SLC27A2: variants seen among roughly 807,000 people sequenced by gnomAD.
SLC27A2 encodes long-chain fatty acid transport protein 2.
A neutral mutation model predicts 60.0 loss-of-function variants in SLC27A2; 54 were observed. The ratio of observed to expected loss-of-function variants is 0.90; its 90% CI spans 0.72 to 1.13. The LOEUF (loss-of-function observed/expected upper bound fraction) is 1.13, where lower values mean the gene tolerates loss of function less well. SLC27A2 is among the 50% of genes most tolerant of loss of function. SLC27A2 has a pLI of 0.00. For synonymous variants in SLC27A2, 297 were observed against 297.6 expected (o/e 1.00, Z 0.02); for missense variants, 739 against 777.6 (o/e 0.95, Z 0.59).
chr15:50,234,551 C>T (rs1428898660), intron 9 of SLC27A2, among the ~76,000 whole-genome samples: 1 of 145,820 alleles, frequency 6.9e-6, no homozygotes, highest in African/African-American at 2.6e-5. Flanking sequence ...CACGCCACTG[C>T]ACTCCAGCCT....
In SLC27A2 at chr15:50,232,799, C is replaced by T. The variant is rs182285660; in HGVS notation, c.1556-1069C>T. On this transcript the variant is annotated intron_variant, in intron 8 of 9. Coordinates refer to ENST00000267842, the MANE Select transcript of SLC27A2 (RefSeq NM_003645.4). Reference sequence around the variant, plus strand: ...GGTGCCACTGCCTCTCTCCCTCAGACAAGAAGCAAACCAAATGAGGGGGCA... The same window carrying T: ...GGTGCCACTGCCTCTCTCCCTCAGATAAGAAGCAAACCAAATGAGGGGGCA... Among the ~76,000 whole-genome samples, 5 of 152,348 alleles carry T rather than the reference C, an allele frequency of 3.3e-5. No homozygotes were observed. The East Asian group carries it at 9.6e-4, about 29-fold the overall frequency.
In SLC27A2 at chr15:50,205,251, C is replaced by A. The variant is rs1379709266; in HGVS notation, c.860C>A (p.Ala287Asp). 6.2e-7 allele frequency: 1 copy of A among 1,609,796 alleles called. No individual in the cohort carries two copies. Among genetic ancestry groups the A allele is most frequent in the Non-Finnish European group, 8.5e-7 (1 of 1,177,304 alleles). The change falls in exon 4 of 10, where the codon GCC (alanine) becomes GAC (aspartate). Residue 287 changes from alanine (A) to aspartate (D), a missense_variant. Ala to Asp is a moderately radical substitution (Grantham distance 126). Coordinates refer to ENST00000267842, the MANE Select transcript of SLC27A2 (RefSeq NM_003645.4). Reference protein sequence around the residue: ...HGCIVAGATLALRTKFSASQF... With the variant: ...HGCIVAGATLDLRTKFSASQF... ...GCTTTCTCTGTAGGTGCTACTCTTG[C>A]CTTGCGGACTAAATTTTCAGCCAGC...
At position 50,197,773 on chromosome 15, in the gene SLC27A2, T is replaced by C. The variant is rs1047395908; in HGVS notation, c.688+64T>C. 2.4e-6 allele frequency: 3 copies of C among 1,234,466 alleles called. No homozygotes were observed. In the African/African-American group the frequency reaches 4.5e-5, roughly 18 times the overall value. 76.5% of individuals were successfully genotyped at this position (1,234,466 alleles called of 1,614,324 possible). A position where few individuals can be genotyped will look rare whatever the true frequency, so the allele number is the denominator to read the frequency against. On this transcript the variant is annotated intron_variant, in intron 2 of 9. Coordinates refer to ENST00000267842, the MANE Select transcript of SLC27A2 (RefSeq NM_003645.4). Reference sequence around the variant, plus strand: ...GAAGGAGTTAAATGTTGACACAGGTTTTCAAATCTCTTTCTTTGGCAAAAC... The same window carrying C: ...GAAGGAGTTAAATGTTGACACAGGTCTTCAAATCTCTTTCTTTGGCAAAAC...
At position 50,182,341 on chromosome 15, in the gene SLC27A2, A is replaced by T. The variant is rs540808334; in HGVS notation, c.-87A>T. 2 of 1,364,610 alleles carry T rather than the reference A, an allele frequency of 1.5e-6. No individual in the cohort carries two copies. The highest frequency in any genetic ancestry group is 9.4e-7 in the Non-Finnish European group (1 of 1,059,450). 84.5% of individuals were successfully genotyped at this position (1,364,610 alleles called of 1,614,324 possible). A position where few individuals can be genotyped will look rare whatever the true frequency, so the allele number is the denominator to read the frequency against. On this transcript the variant is annotated 5_prime_UTR_variant, in exon 1 of 10. Coordinates refer to ENST00000267842, the MANE Select transcript of SLC27A2 (RefSeq NM_003645.4). Reference sequence around the variant, plus strand: ...CGCGTGCGCCCCGGCGCAGCCCGCCAGTCCGCCCGGAGCCCGCCCAGTCGC... The same window carrying T: ...CGCGTGCGCCCCGGCGCAGCCCGCCTGTCCGCCCGGAGCCCGCCCAGTCGC...
intron 8 of SLC27A2, among the ~76,000 whole-genome samples, chr15:50,231,712 C>T (rs1000117557): frequency 8.5e-5 from 13 of 152,146 alleles, no homozygotes; most frequent in South Asian, 2.1e-4. Context: ...TTCTGGGAGC[C>T]ACTGAAACAG....
At chr15:50,190,466 A>G (rs781765624) in intron 1 of SLC27A2, among the ~76,000 whole-genome samples, 3 of 152,308 alleles carry the variant, frequency 2.0e-5, no homozygotes, top group South Asian at 2.1e-4. Context: ...AGAACAAGCT[A>G]CTAGACTGAA....
At chr15:50,198,574 G>A (rs979267133) in intron 2 of SLC27A2, 2 of 151,954 alleles carry the variant, frequency 1.3e-5, no homozygotes, top group Non-Finnish European at 2.9e-5. Flanking sequence ...TTGTTTATTC[G>A]TGTGATAGAT....
chr15:50,236,044 C>G lies in SLC27A2; in HGVS notation c.1811C>G (p.Pro604Arg), dbSNP rs754692777. The change falls in exon 10 of 10, where the codon CCT (proline) becomes CGT (arginine). Residue 604 changes from proline to arginine, a missense_variant. Coordinates refer to ENST00000267842, the MANE Select transcript of SLC27A2 (RefSeq NM_003645.4). The stretch of plus-strand genomic sequence containing the variant: ...GATGACACAGCAAAAATGTATGTGC[C>G]TATGACTGAGGACATCTATAATGCC... The part of the protein sequence containing the change: ...FLDDTAKMYV[P>R]MTEDIYNAIS... 1.7e-5 allele frequency: 27 copies of G among 1,613,826 alleles called. No homozygotes were observed. The highest frequency in any genetic ancestry group is 2.3e-5 in the Non-Finnish European group (27 of 1,179,898).
chr15:50,226,505 G>A (rs555257401), intron 6 of SLC27A2, among the ~76,000 whole-genome samples: 1 of 152,306 alleles, frequency 6.6e-6, no homozygotes, highest in Non-Finnish European at 1.5e-5. Flanking sequence ...GTTGAGGAAG[G>A]CTGATCATTT....
Position 50,182,575 on chromosome 15 carries a change from C to T in SLC27A2, c.148C>T (p.Arg50Trp), listed in dbSNP as rs2044867280. The change falls in exon 1 of 10, where the codon CGG becomes TGG. Residue 50 changes from arginine to tryptophan, a missense_variant. Transcript: ENST00000267842. The stretch of plus-strand genomic sequence containing the variant: ...GAGGGTGCGCAGCTACGGGAAGCGG[C>T]GGCCGGCGCGCACCATCCTGCGGGC... ...GRRVRSYGKR[R>W]PARTILRAFL... 1.2e-6 allele frequency: 2 copies of T among 1,611,364 alleles called. No individual in the cohort carries two copies. The highest frequency in any genetic ancestry group is 1.3e-5 in the African/African-American group (1 of 74,914).
intron 4 of SLC27A2, among the ~76,000 whole-genome samples, chr15:50,206,337 G>T (rs561874087): frequency 1.3e-5 from 2 of 152,250 alleles, no homozygotes; most frequent in South Asian, 4.1e-4. Context: ...AAACTCACCA[G>T]ATTCTAATCC....
intron 4 of SLC27A2, among the ~76,000 whole-genome samples, chr15:50,219,051 T>C (rs750681017): frequency 6.6e-6 from 1 of 152,202 alleles, no homozygotes; most frequent in Non-Finnish European, 1.5e-5. Context: ...TCATAGTGTA[T>C]TACTTGGCTC....
chr15:50,190,359 C>T (rs1285445397), intron 1 of SLC27A2, among the ~76,000 whole-genome samples: 4 of 152,180 alleles, frequency 2.6e-5, no homozygotes, highest in Non-Finnish European at 5.9e-5. Context: ...CATTTCCTTT[C>T]ACTACCTTCC....
chr15:50,197,829 A>G, intron 2 of SLC27A2, 120 bp downstream of exon 2: 1 of 696,754 alleles, frequency 1.4e-6, no homozygotes, highest in Non-Finnish European at 2.4e-6. Context: ...CAGGAGATTT[A>G]GTTATTTGCC....
intron 1 of SLC27A2, among the ~76,000 whole-genome samples, chr15:50,196,068 AAAAAAAAAAATATATATATAT>A (rs2045015782): frequency 2.9e-4 from 5 of 17,180 alleles, no homozygotes; most frequent in African/African-American, 6.6e-4. Flanking sequence ...AAAAAAAAAA[AAAAAAAAAAATATATATATAT>A]ATATATATAT....
chr15:50,223,493 T>C (rs753016837), intron 5 of SLC27A2, among the ~76,000 whole-genome samples: 5 of 152,132 alleles, frequency 3.3e-5, no homozygotes, highest in African/African-American at 4.8e-5. Context: ...CTGTGAAACA[T>C]AGTATTTCCC....
chr15:50,218,922 T>G (rs2045222225), intron 4 of SLC27A2, among the ~76,000 whole-genome samples: 1 of 152,142 alleles, frequency 6.6e-6, no homozygotes, highest in African/African-American at 2.4e-5. Context: ...CAGATAGATT[T>G]CACCATGAGG....
At chr15:50,196,121 T>C (rs2045021208) in intron 1 of SLC27A2, among the ~76,000 whole-genome samples, 1 of 97,752 alleles carries the variant, frequency 1.0e-5, no homozygotes, top group African/African-American at 3.7e-5. Context: ...TATATATATA[T>C]ATATGTATGT....
intron 9 of SLC27A2, 25 bp downstream of exon 9, chr15:50,234,023 A>C: frequency 6.3e-7 from 1 of 1,580,904 alleles, no homozygotes. Context: ...TATCCAGTTC[A>C]ATGATCTGTC....
Sources: allele counts gnomAD v4.1 joint callset (sites outside exome capture counted in the v4.1 genomes callset), GRCh38; gene constraint gnomAD v4.1.1; transcripts MANE v1.5; gene names NCBI Gene and HGNC (gene_info 2026-07-23, HGNC 2026-07-21).